KLHL7: variants seen among roughly 807,000 people sequenced by gnomAD.
KLHL7 encodes kelch like family member 7.
KLHL7 carries 44 observed loss-of-function variants against 67.4 expected under a neutral mutation model. That is an observed-to-expected ratio of 0.65 (90% CI 0.51 to 0.84). The LOEUF is 0.84. Among genes scored for constraint, KLHL7 ranks in the 40% least tolerant of loss-of-function variants. The pLI is 0.00. For synonymous variants in KLHL7, 252 were observed against 243.3 expected (o/e 1.04, Z -0.33); for missense variants, 362 against 718.1 (o/e 0.50, Z 5.67).
chr7:23,166,682 C>T (rs1411154382), intron 8 of KLHL7, among the ~76,000 whole-genome samples: 1 of 152,124 alleles, frequency 6.6e-6, no homozygotes, highest in Non-Finnish European at 1.5e-5. Context: ...CAAGAAAAAT[C>T]ACTATTTCCT....
intron 7 of KLHL7, chr7:23,156,184 G>A (rs1784700456): frequency 4.9e-6 from 1 of 202,292 alleles, no homozygotes; most frequent in Non-Finnish European, 1.0e-5. Context: ...TATAGTTCTT[G>A]TATTTCATTG....
intron 5 of KLHL7, 129 bp from the exon 6 acceptor site, chr7:23,143,722 G>A: frequency 2.1e-6 from 2 of 950,326 alleles, no homozygotes; most frequent in Non-Finnish European, 3.4e-6. Context: ...AGTGTCCAGG[G>A]ATGAAAAATA....
intron 1 of KLHL7, among the ~76,000 whole-genome samples, chr7:23,114,620 C>G (rs962167040): frequency 2.6e-5 from 4 of 152,126 alleles, no homozygotes; most frequent in African/African-American, 9.7e-5. Flanking sequence ...ATGCTTTGTT[C>G]TATCTTAAAT....
In KLHL7 at chr7:23,173,987, ATGT is replaced by A. The variant is rs1785234618; in HGVS notation, c.1478-23_1478-21del. On this transcript the variant is annotated intron_variant, in intron 10 of 10. Coordinates refer to ENST00000339077, the MANE Select transcript of KLHL7 (RefSeq NM_001031710.3). ...CTTAGAATTGTTGATATAGTTTTTCATGTTGTTCATGTTTTATTCTTTTGAAGG... is the reference window on the plus strand; with the variant it reads ...CTTAGAATTGTTGATATAGTTTTTCATGTTCATGTTTTATTCTTTTGAAGG... The A allele has an allele frequency of 2.5e-6, 4 of 1,607,374 alleles. No individual in the cohort carries two copies. The South Asian group carries it at 3.3e-5, about 13-fold the overall frequency.
intron 7 of KLHL7, among the ~76,000 whole-genome samples, chr7:23,163,245 A>C (rs915606511): frequency 1.3e-5 from 2 of 150,740 alleles, no homozygotes; most frequent in Non-Finnish European, 3.0e-5. Context: ...ATCTCGGCTC[A>C]CTGCAACTTC....
chr7:23,138,961 G>C (rs1784083945), intron 4 of KLHL7, among the ~76,000 whole-genome samples: 1 of 152,108 alleles, frequency 6.6e-6, no homozygotes, highest in Non-Finnish European at 1.5e-5. Flanking sequence ...AAACTTGCCA[G>C]CTCATTCTCC....
At chr7:23,116,852 A>G (rs1191425963) in intron 1 of KLHL7, among the ~76,000 whole-genome samples, 1 of 152,146 alleles carries the variant, frequency 6.6e-6, no homozygotes, top group Non-Finnish European at 1.5e-5. Context: ...GTTCCACTAT[A>G]TACCATATGC....
chr7:23,158,468 C>T (rs6461697), intron 7 of KLHL7, among the ~76,000 whole-genome samples: 140,821 of 152,210 alleles, frequency 0.93, 65,328 homozygotes, highest in East Asian at 0.99. Flanking sequence ...AGAGCTGTCA[C>T]CTCAGAAGTA....
At chr7:23,132,186 G>A (rs1409436941) in intron 4 of KLHL7, among the ~76,000 whole-genome samples, 1 of 152,184 alleles carries the variant, frequency 6.6e-6, no homozygotes, top group Non-Finnish European at 1.5e-5. Context: ...GGGATTGCTG[G>A]ATCACATGTT....
chr7:23,119,679 T>C (rs941221746), intron 1 of KLHL7, among the ~76,000 whole-genome samples: 3 of 152,246 alleles, frequency 2.0e-5, no homozygotes, highest in African/African-American at 7.2e-5. Flanking sequence ...ATTTTTGAAA[T>C]GGTATCTTTG....
intron 1 of KLHL7, among the ~76,000 whole-genome samples, chr7:23,115,703 C>A (rs1783058553): frequency 6.6e-6 from 1 of 152,022 alleles, no homozygotes; most frequent in South Asian, 2.1e-4. Context: ...CACCACCACA[C>A]CCGGCTAATT....
At position 23,125,052 on chromosome 7, in the gene KLHL7, T is replaced by A; in HGVS notation, c.322T>A (p.Ser108Thr). 1 of 1,612,074 alleles carries A rather than the reference T, an allele frequency of 6.2e-7. No individual in the cohort carries two copies. The change falls in exon 4 of 11, where the codon TCC becomes ACC. Residue 108 changes from serine to threonine, a missense_variant. Coordinates refer to ENST00000339077, the MANE Select transcript of KLHL7 (RefSeq NM_001031710.3). Reference protein sequence around the residue: ...LVEFAYTARISVNSNNVQSLL... With the variant: ...LVEFAYTARITVNSNNVQSLL... ...TTCCCTCTAACTTATTTGCAGAATT[T>A]CCGTGAATAGCAACAATGTTCAGTC... is the stretch of plus-strand genomic sequence containing the variant.
chr7:23,147,073 T>G (rs1784381027), intron 6 of KLHL7, among the ~76,000 whole-genome samples: 1 of 151,848 alleles, frequency 6.6e-6, no homozygotes, highest in Admixed American at 6.6e-5. Context: ...TTTCCTTCTA[T>G]GTATTACTTA....
At chr7:23,126,255 T>G (rs1300156424) in intron 4 of KLHL7, among the ~76,000 whole-genome samples, 1 of 152,138 alleles carries the variant, frequency 6.6e-6, no homozygotes, top group Non-Finnish European at 1.5e-5. Flanking sequence ...ACGTGAGATT[T>G]CATCACACAA....
chr7:23,109,249 G>A (rs933952184), intron 1 of KLHL7, among the ~76,000 whole-genome samples: 2 of 152,286 alleles, frequency 1.3e-5, no homozygotes, highest in Admixed American at 1.3e-4. Flanking sequence ...GTGTATAGGA[G>A]CATCTTATTT....
At chr7:23,149,845 A>G (rs1268947340) in intron 6 of KLHL7, among the ~76,000 whole-genome samples, 3 of 152,256 alleles carry the variant, frequency 2.0e-5, no homozygotes, top group Admixed American at 6.5e-5. Context: ...TTTGAATGCA[A>G]AAGAGCTTCT....
Position 23,105,818 on chromosome 7 carries a change from C to T in KLHL7, c.-209C>T. The T allele has an allele frequency of 1.5e-6, 1 of 669,678 alleles. No individual in the cohort carries two copies. Among genetic ancestry groups the T allele is most frequent in the South Asian group, 1.7e-5 (1 of 58,282 alleles). The allele number at this position is 669,678 out of a possible 1,614,324, so 41.5% of individuals were successfully genotyped here. ...CCCGGGGACGCAGCCCAGTTGGTAG[C>T]GTCGCTCCCTGAGCGTTTCTAAGGG... On this transcript the variant is annotated 5_prime_UTR_variant, in exon 1 of 11. Coordinates refer to ENST00000339077, the MANE Select transcript of KLHL7 (RefSeq NM_001031710.3).
chr7:23,108,297 T>C (rs1341068808), intron 1 of KLHL7, among the ~76,000 whole-genome samples: 2 of 152,202 alleles, frequency 1.3e-5, no homozygotes, highest in East Asian at 1.9e-4. Context: ...CTCTCTGTAG[T>C]ATAGTGGCCG....
rs1282130801 is a variant in KLHL7 at position 23,165,772 on chromosome 7, A to G, written c.1011A>G (p.Val337=). The G allele has an allele frequency of 3.7e-6, 6 of 1,614,036 alleles. No individual in the cohort carries two copies. Among genetic ancestry groups the G allele is most frequent in the African/African-American group, 1.3e-5 (1 of 74,926 alleles). The part of the protein sequence containing the change: ...RDAACVFWDN[V]VYILGGSQLF... ...CAGCATGCGTGTTTTGGGACAATGT[A>G]GTATACATTTTGGGAGGCTCTCAGC... The change falls in exon 8 of 11, where the codon GTA becomes GTG. Residue 337 remains valine (V), a synonymous_variant. Coordinates refer to ENST00000339077, the MANE Select transcript of KLHL7 (RefSeq NM_001031710.3).
Sources: gnomAD v4.1 joint callset for allele counts (sites outside exome capture counted in the v4.1 genomes callset) on GRCh38, gnomAD v4.1.1 for gene constraint, MANE v1.5 for transcripts, NCBI Gene and HGNC (gene_info 2026-07-23, HGNC 2026-07-21) for gene names.